Variants in CDC14A observed in about 807,000 individuals in gnomAD.
CDC14A encodes cell division cycle 14A.
In CDC14A, 53 loss-of-function variants were observed where a neutral mutation model predicts 74.4. The observed-to-expected ratio is 0.71, with a 90% CI of 0.57 to 0.89. The LOEUF (loss-of-function observed/expected upper bound fraction) is 0.89, where lower values mean the gene tolerates loss of function less well. Among genes scored for constraint, CDC14A ranks in the 40% least tolerant of loss-of-function variants. The pLI is 0.00. For synonymous variants in CDC14A, 247 were observed against 258.4 expected, an observed-to-expected ratio of 0.96 and a Z score of 0.43; for missense variants, 646 against 713.7, an observed-to-expected ratio of 0.91 and a Z score of 1.08.
At chr1:100,409,770 A>G (rs1215708737) in intron 4 of CDC14A, among the ~76,000 whole-genome samples, 1 of 152,230 alleles carries the variant, frequency 6.6e-6, no homozygotes, top group African/African-American at 2.4e-5. Flanking sequence ...TTGTTAAAAC[A>G]TAGGAATGGA....
At chr1:100,501,091 C>A (rs895410293) in intron 15 of CDC14A, among the ~76,000 whole-genome samples, 10 of 152,256 alleles carry the variant, frequency 6.6e-5, no homozygotes, top group African/African-American at 2.4e-4. Flanking sequence ...TAATCTGATT[C>A]TGATCCCATG....
At chr1:100,421,336 T>G (rs1309316181) in intron 4 of CDC14A, among the ~76,000 whole-genome samples, 1 of 152,206 alleles carries the variant, frequency 6.6e-6, no homozygotes, top group Non-Finnish European at 1.5e-5. Flanking sequence ...CAAAAATATT[T>G]TTAGAAATAT....
intron 2 of CDC14A, among the ~76,000 whole-genome samples, chr1:100,377,165 C>A (rs1009676747): frequency 6.6e-6 from 1 of 151,828 alleles, no homozygotes; most frequent in Non-Finnish European, 1.5e-5. Context: ...CTCAGCCTCT[C>A]GAGTAGCTGG....
chr1:100,448,732 C>T (rs573910834), intron 7 of CDC14A, among the ~76,000 whole-genome samples: 2 of 152,312 alleles, frequency 1.3e-5, no homozygotes, highest in South Asian at 4.1e-4. Flanking sequence ...CACCATGCTC[C>T]TTATGGCCTC....
At chr1:100,412,530 GC>G (rs1343088905) in intron 4 of CDC14A, among the ~76,000 whole-genome samples, 1 of 148,918 alleles carries the variant, frequency 6.7e-6, no homozygotes, top group Admixed American at 6.7e-5. Context: ...CAGGAAACCT[GC>G]CATTCAAGTC....
At chr1:100,385,222 T>G (rs558093350) in intron 3 of CDC14A, among the ~76,000 whole-genome samples, 2 of 152,200 alleles carry the variant, frequency 1.3e-5, no homozygotes, top group Non-Finnish European at 2.9e-5. Flanking sequence ...CAGTTACATG[T>G]TTATGTAGTG....
intron 5 of CDC14A, among the ~76,000 whole-genome samples, chr1:100,436,598 T>C (rs1402525104): frequency 6.6e-6 from 1 of 152,062 alleles, no homozygotes; most frequent in Admixed American, 6.5e-5. Flanking sequence ...CTAATTTTTA[T>C]ATTTTTAATA....
chr1:100,408,918 GT>G (rs1660306709), intron 4 of CDC14A, among the ~76,000 whole-genome samples: 1 of 152,152 alleles, frequency 6.6e-6, no homozygotes, highest in Non-Finnish European at 1.5e-5. Flanking sequence ...TCATCCTACA[GT>G]GGTATGGAAC....
At chr1:100,505,220 T>C (rs948942711) in intron 15 of CDC14A, among the ~76,000 whole-genome samples, 1 of 152,246 alleles carries the variant, frequency 6.6e-6, no homozygotes, top group Non-Finnish European at 1.5e-5. Flanking sequence ...AGCATTCTTA[T>C]ATGATAGTTG....
intron 7 of CDC14A, among the ~76,000 whole-genome samples, chr1:100,451,215 GCAT>G (rs1296539453): frequency 1.3e-5 from 2 of 152,186 alleles, no homozygotes; most frequent in African/African-American, 2.4e-5. Flanking sequence ...CATTGGAGTG[GCAT>G]CTGCAAATGT....
intron 9 of CDC14A, among the ~76,000 whole-genome samples, chr1:100,465,030 A>G (rs970722865): frequency 7.9e-5 from 12 of 151,568 alleles, no homozygotes; most frequent in Non-Finnish European, 1.8e-4. Context: ...GGTTCAATCA[A>G]TTCTCCTGCC....
chr1:100,442,893 T>C, intron 6 of CDC14A, 41 bp from the exon 7 acceptor site: 1 of 1,301,366 alleles, frequency 7.7e-7, no homozygotes, highest in Non-Finnish European at 1.1e-6. Flanking sequence ...GTAGAGTTTA[T>C]CAATTTAGCA....
At chr1:100,417,929 G>A (rs1162203026) in intron 4 of CDC14A, among the ~76,000 whole-genome samples, 2 of 152,134 alleles carry the variant, frequency 1.3e-5, no homozygotes, top group Non-Finnish European at 2.9e-5. Flanking sequence ...GGGAAGCTTG[G>A]TTACTTGAGC....
intron 4 of CDC14A, among the ~76,000 whole-genome samples, chr1:100,404,720 C>T (rs924956361): frequency 1.3e-5 from 2 of 152,034 alleles, no homozygotes; most frequent in Non-Finnish European, 2.9e-5. Flanking sequence ...TTCCCAGCTA[C>T]TCGGGAGGCT....
chr1:100,412,740 T>TA (rs1484826711), intron 4 of CDC14A, among the ~76,000 whole-genome samples: 1 of 99,896 alleles, frequency 1.0e-5, no homozygotes, highest in Non-Finnish European at 1.8e-5. Context: ...TATATATATT[T>TA]TATATATATA....
intron 4 of CDC14A, among the ~76,000 whole-genome samples, chr1:100,397,046 A>T (rs475694): frequency 0.029 from 4,361 of 148,724 alleles, 166 homozygotes; most frequent in African/African-American, 0.089. Context: ...TTTTTTTTTT[A>T]AAGCTCATCA....
At chr1:100,402,434 G>A (rs961288018) in intron 4 of CDC14A, among the ~76,000 whole-genome samples, 1 of 152,004 alleles carries the variant, frequency 6.6e-6, no homozygotes, top group Non-Finnish European at 1.5e-5. Context: ...TAAATTTTTT[G>A]AAAAATGAGG....
intron 4 of CDC14A, among the ~76,000 whole-genome samples, chr1:100,391,212 GA>G (rs1232878979): frequency 6.6e-6 from 1 of 152,148 alleles, no homozygotes; most frequent in Non-Finnish European, 1.5e-5. Context: ...TTTTTTGGGA[GA>G]AGAGGAAACC....
chr1:100,392,382 C>T (rs74103148), intron 4 of CDC14A, among the ~76,000 whole-genome samples: 13,819 of 151,776 alleles, frequency 0.091, 2,172 homozygotes, highest in African/African-American at 0.32. Flanking sequence ...GCTTTGTAAG[C>T]GTGTTATTTG....
Sources: allele counts gnomAD v4.1 joint callset (sites outside exome capture counted in the v4.1 genomes callset), GRCh38; gene constraint gnomAD v4.1.1; transcripts MANE v1.5; gene names NCBI Gene and HGNC (gene_info 2026-07-23, HGNC 2026-07-21).